Variants in SYT1 observed in about 807,000 individuals in gnomAD.
The protein encoded by SYT1 is synaptotagmin 1.
A neutral mutation model predicts 44.8 loss-of-function variants in SYT1; 8 were observed. The ratio of observed to expected loss-of-function variants is 0.18; its 90% CI spans 0.10 to 0.32. The LOEUF is 0.32. Ranked by LOEUF, SYT1 falls within the 10% of genes least tolerant of loss-of-function variation. The pLI, the probability that SYT1 is intolerant of heterozygous loss-of-function variation, is 1.00. For synonymous variants in SYT1, 154 were observed against 188.8 expected (o/e 0.82, Z 1.51); for missense variants, 286 against 509.3 (o/e 0.56, Z 4.22).
chr12:79,439,460 A>G (rs141060689), intron 9 of SYT1, among the ~76,000 whole-genome samples: 20 of 152,268 alleles, frequency 1.3e-4, no homozygotes, highest in African/African-American at 4.8e-4. Context: ...CTTTCCAGAA[A>G]TAAATTGGTA....
chr12:79,053,697 TAAAC>T (rs1270807482), intron 3 of SYT1, among the ~76,000 whole-genome samples: 2 of 150,860 alleles, frequency 1.3e-5, no homozygotes, highest in African/African-American at 4.8e-5. Context: ...CACTTATTTT[TAAAC>T]AAACAATAAG....
At chr12:79,385,161 G>A (rs1382747928) in intron 9 of SYT1, among the ~76,000 whole-genome samples, 1 of 151,578 alleles carries the variant, frequency 6.6e-6, no homozygotes, top group Non-Finnish European at 1.5e-5. Flanking sequence ...TAATTCTTGT[G>A]TTTTTGGTAG....
In SYT1 at chr12:79,285,976, T is replaced by C; in HGVS notation, c.351+5T>C. 6.3e-7 allele frequency: 1 copy of C among 1,593,650 alleles called. No homozygotes were observed. The highest frequency in any genetic ancestry group is 8.5e-7 in the Non-Finnish European group (1 of 1,175,220). On this transcript the variant is annotated splice_donor_5th_base_variant and intron_variant, in intron 5 of 10. Coordinates refer to ENST00000261205, the MANE Select transcript of SYT1 (RefSeq NM_005639.3). ...GGGAAGACGATGAAAGATCAGGTAA[T>C]GTATTCTTTCTACATTTCTTCTTAT... is the stretch of plus-strand genomic sequence containing the variant.
At chr12:78,979,627 A>T (rs1342630079) in intron 2 of SYT1, among the ~76,000 whole-genome samples, 1 of 152,140 alleles carries the variant, frequency 6.6e-6, no homozygotes, top group Non-Finnish European at 1.5e-5. Context: ...ATTTTTTTCT[A>T]CATGTTTTCA....
chr12:79,084,895 G>A (rs1877278746), intron 3 of SYT1, among the ~76,000 whole-genome samples: 2 of 151,882 alleles, frequency 1.3e-5, no homozygotes, highest in African/African-American at 4.8e-5. Context: ...GACCAGAAGT[G>A]TTTTGAATTT....
chr12:79,265,833 G>A (rs1878095433), intron 4 of SYT1, among the ~76,000 whole-genome samples: 1 of 152,116 alleles, frequency 6.6e-6, no homozygotes, highest in African/African-American at 2.4e-5. Context: ...TGCAAGAAGA[G>A]TAAAACTATT....
chr12:78,901,709 C>T (rs1228153555), intron 1 of SYT1, among the ~76,000 whole-genome samples: 1 of 152,034 alleles, frequency 6.6e-6, no homozygotes, highest in South Asian at 2.1e-4. Context: ...TAGACCAATC[C>T]AATTCTCCTC....
intron 8 of SYT1, among the ~76,000 whole-genome samples, chr12:79,308,505 C>T (rs1013940160): frequency 1.5e-5 from 2 of 131,300 alleles, no homozygotes; most frequent in African/African-American, 3.0e-5. Context: ...AGCGAAACTC[C>T]GTCAAAAGAA....
At chr12:79,336,921 C>G (rs1882117284) in intron 8 of SYT1, among the ~76,000 whole-genome samples, 2 of 152,234 alleles carry the variant, frequency 1.3e-5, no homozygotes, top group African/African-American at 4.8e-5. Context: ...AAGAGATCTT[C>G]TGCCTTAGCC....
At chr12:79,292,271 C>A (rs1879623816) in intron 6 of SYT1, 141 bp downstream of exon 6, 1 of 1,067,658 alleles carries the variant, frequency 9.4e-7, no homozygotes, top group Non-Finnish European at 1.3e-6. Flanking sequence ...GAAATAATTT[C>A]TAAGAACAGG....
chr12:79,252,164 T>C (rs1262450061), intron 4 of SYT1, among the ~76,000 whole-genome samples: 1 of 152,168 alleles, frequency 6.6e-6, no homozygotes, highest in African/African-American at 2.4e-5. Flanking sequence ...TCATTAAGCT[T>C]CTAAATGTGA....
At chr12:78,932,860 T>G (rs1466713193) in intron 1 of SYT1, among the ~76,000 whole-genome samples, 5 of 152,206 alleles carry the variant, frequency 3.3e-5, no homozygotes, top group Non-Finnish European at 7.3e-5. Context: ...ATTATTCATT[T>G]TGTTTCATCA....
intron 1 of SYT1, among the ~76,000 whole-genome samples, chr12:78,869,169 C>T (rs187243261): frequency 1.3e-5 from 2 of 151,870 alleles, no homozygotes; most frequent in Admixed American, 1.3e-4. Context: ...TAAACTTCTC[C>T]ACTAAGTGTT....
chr12:78,931,902 C>T (rs1336822006), intron 1 of SYT1, among the ~76,000 whole-genome samples: 1 of 152,122 alleles, frequency 6.6e-6, no homozygotes, highest in South Asian at 2.1e-4. Context: ...TTCTCTGCAC[C>T]CACTTCTCCC....
intron 1 of SYT1, among the ~76,000 whole-genome samples, chr12:78,918,347 C>A (rs531091993): frequency 6.9e-4 from 105 of 152,136 alleles, no homozygotes; most frequent in Non-Finnish European, 9.1e-4. Context: ...AGAAGCTCAT[C>A]CCTATCTGTA....
At chr12:79,140,208 G>T (rs1343830892) in intron 3 of SYT1, among the ~76,000 whole-genome samples, 1 of 152,132 alleles carries the variant, frequency 6.6e-6, no homozygotes, top group Non-Finnish European at 1.5e-5. Flanking sequence ...TATTCCAGTG[G>T]CATTTAGGCT....
chr12:79,368,546 C>A (rs1883648629), intron 9 of SYT1, among the ~76,000 whole-genome samples: 1 of 149,856 alleles, frequency 6.7e-6, no homozygotes, highest in Non-Finnish European at 1.5e-5. Context: ...TCTCCACATC[C>A]TCTCCAGCAC....
At chr12:79,053,315 C>G (rs1396747157) in intron 3 of SYT1, among the ~76,000 whole-genome samples, 1 of 151,936 alleles carries the variant, frequency 6.6e-6, no homozygotes, top group Non-Finnish European at 1.5e-5. Flanking sequence ...AATGAGAACA[C>G]ATGGACACAG....
chr12:79,026,702 T>TATATATATATATATAAAAAA (rs34140383), intron 2 of SYT1, among the ~76,000 whole-genome samples: 6 of 125,312 alleles, frequency 4.8e-5, no homozygotes, highest in East Asian at 2.6e-4. Flanking sequence ...TATATATATA[T>TATATATATATATATAAAAAA]CACACTTTCA....
Sources: allele counts gnomAD v4.1 joint callset (sites outside exome capture counted in the v4.1 genomes callset), GRCh38; gene constraint gnomAD v4.1.1; transcripts MANE v1.5; gene names NCBI Gene and HGNC (gene_info 2026-07-23, HGNC 2026-07-21).